NUP210L: variants seen among roughly 807,000 people sequenced by gnomAD.
NUP210L encodes nucleoporin 210 like.
Under a neutral mutation model 208.5 loss-of-function variants are expected in NUP210L, and 74 were observed. The ratio of observed to expected loss-of-function variants is 0.35; its 90% CI spans 0.29 to 0.43. The LOEUF (loss-of-function observed/expected upper bound fraction) is 0.43. Among genes scored for constraint, NUP210L ranks in the 20% least tolerant of loss-of-function variants. NUP210L has a pLI of 1.00. For missense variants in NUP210L, 1,843 were observed against 2,289.4 expected, an observed-to-expected ratio of 0.81 and a Z score of 3.98; for synonymous variants, 780 against 816.9, an observed-to-expected ratio of 0.95 and a Z score of 0.77.
intron 27 of NUP210L, among the ~76,000 whole-genome samples, chr1:154,045,340 A>C (rs1464412560): frequency 1.4e-5 from 2 of 140,956 alleles, no homozygotes; most frequent in Non-Finnish European, 3.2e-5. Flanking sequence ...CATGATTATG[A>C]ATATAATCAA....
rs534148690 is a variant in NUP210L, at chr1:154,038,398, A to G, written c.3696+7671T>C. ...GCTTTTGTTGCCCAGGCCAGAATGCAATGGCACAATTTCAGCTCACTGCAA... is the reference window on the plus strand; with the variant it reads ...GCTTTTGTTGCCCAGGCCAGAATGCGATGGCACAATTTCAGCTCACTGCAA... On this transcript the variant is annotated intron_variant, in intron 27 of 39. Coordinates refer to ENST00000368559, the Ensembl canonical transcript of NUP210L. 6.6e-5 allele frequency among the ~76,000 whole-genome samples: 10 copies of G among 150,984 alleles called. No homozygotes were observed. The South Asian group carries it at 1.9e-3, about 28-fold the overall frequency.
At chr1:154,033,922 TTTTA>T (rs1182660754) in intron 27 of NUP210L, among the ~76,000 whole-genome samples, 1 of 152,106 alleles carries the variant, frequency 6.6e-6, no homozygotes, top group East Asian at 1.9e-4. Context: ...TCTTCATTTA[TTTTA>T]TTTATTTATT....
At chr1:154,109,864 A>G (rs1656952182) in intron 12 of NUP210L, among the ~76,000 whole-genome samples, 2 of 151,602 alleles carry the variant, frequency 1.3e-5, no homozygotes, top group South Asian at 4.1e-4. Context: ...AAAAATGAAA[A>G]CACAACATAA....
intron 13 of NUP210L, among the ~76,000 whole-genome samples, chr1:154,101,470 TA>T (rs983784117): frequency 6.6e-6 from 1 of 152,018 alleles, no homozygotes; most frequent in African/African-American, 2.4e-5. Flanking sequence ...GTGACACTGT[TA>T]AAAACAAACA....
rs575017101 is a variant in NUP210L, at chr1:154,011,640, G to A, written c.4780+604C>T. Among the ~76,000 whole-genome samples the A allele has an allele frequency of 4.7e-5, 7 of 149,234 alleles. No individual in the cohort carries two copies. The East Asian group carries it at 9.8e-4, about 21-fold the overall frequency. Reference sequence around the variant, plus strand: ...AGCCTCCTAAATAATTGGGATTACAGGCATGAGCCACCACTCCAGAGTACT... The same window carrying A: ...AGCCTCCTAAATAATTGGGATTACAAGCATGAGCCACCACTCCAGAGTACT... On this transcript the variant is annotated intron_variant, in intron 34 of 39. Transcript: ENST00000368559.
At chr1:154,081,587 C>G (rs1488999397) in intron 16 of NUP210L, among the ~76,000 whole-genome samples, 1 of 152,156 alleles carries the variant, frequency 6.6e-6, no homozygotes, top group African/African-American at 2.4e-5. Flanking sequence ...AGCCCCACCT[C>G]CAGGGAAAAG....
At chr1:154,084,382 T>G (rs896931588) in intron 16 of NUP210L, among the ~76,000 whole-genome samples, 2 of 151,828 alleles carry the variant, frequency 1.3e-5, no homozygotes, top group Admixed American at 1.3e-4. Context: ...TGACTAATTT[T>G]TGTATTTTTA....
chr1:154,121,455 T>G (rs1225396550), intron 10 of NUP210L, among the ~76,000 whole-genome samples: 1 of 152,194 alleles, frequency 6.6e-6, no homozygotes, highest in Non-Finnish European at 1.5e-5. Flanking sequence ...GTCCCCATTA[T>G]GTAGTATACA....
chr1:154,109,679 A>T (rs1656945786), intron 12 of NUP210L, among the ~76,000 whole-genome samples: 1 of 151,682 alleles, frequency 6.6e-6, no homozygotes, highest in Non-Finnish European at 1.5e-5. Context: ...AATTCAAAAA[A>T]ATTGAAACTA....
At chr1:154,030,100 G>T in intron 27 of NUP210L, 46 bp from the exon 28 acceptor site, 4 of 1,329,804 alleles carry the variant, frequency 3.0e-6, no homozygotes, top group Non-Finnish European at 2.0e-6. Context: ...CAATAAACAT[G>T]GTGTCCTTCC....
intron 10 of NUP210L, among the ~76,000 whole-genome samples, chr1:154,125,735 AAGGGAGGG>A (rs1302898339): frequency 0.11 from 1,295 of 11,726 alleles, 350 homozygotes; most frequent in Middle Eastern, 0.15. Flanking sequence ...GGAAGGAAGG[AAGGGAGGG>A]AGGGAAATGT....
At chr1:154,037,814 C>T (rs910747590) in intron 27 of NUP210L, among the ~76,000 whole-genome samples, 11 of 152,070 alleles carry the variant, frequency 7.2e-5, no homozygotes, top group Non-Finnish European at 4.4e-5. Flanking sequence ...GACAGGGTTT[C>T]ACCATGTTGG....
intron 16 of NUP210L, among the ~76,000 whole-genome samples, chr1:154,087,338 A>G (rs953883513): frequency 3.2e-4 from 48 of 151,748 alleles, no homozygotes; most frequent in East Asian, 5.8e-4. Flanking sequence ...AAAAAAAAAA[A>G]AGGGGCAACA....
chr1:154,142,151 C>CAA (rs755281421), intron 3 of NUP210L, among the ~76,000 whole-genome samples: 2 of 98,498 alleles, frequency 2.0e-5, no homozygotes, highest in Admixed American at 1.1e-4. Flanking sequence ...ACTCTGTATC[C>CAA]AAAAAAAAAA....
intron 15 of NUP210L, among the ~76,000 whole-genome samples, chr1:154,093,614 T>C (rs1656037597): frequency 6.6e-6 from 1 of 152,118 alleles, no homozygotes; most frequent in African/African-American, 2.4e-5. Flanking sequence ...TGAGAACCTG[T>C]CTCTAAAATA....
intron 27 of NUP210L, among the ~76,000 whole-genome samples, chr1:154,045,434 CTCA>C (rs1653119214): frequency 6.6e-6 from 1 of 152,038 alleles, no homozygotes; most frequent in Admixed American, 6.6e-5. Flanking sequence ...CATAGTGTTA[CTCA>C]TCTAACATAG....
At chr1:154,104,413 A>T in intron 12 of NUP210L, 5 of 559,914 alleles carry the variant, frequency 8.9e-6, no homozygotes, top group Non-Finnish European at 1.6e-5. Flanking sequence ...TTAACATCAT[A>T]TCAAGGAAGG....
intron 25 of NUP210L, among the ~76,000 whole-genome samples, chr1:154,048,642 C>T (rs1472143387): frequency 6.6e-6 from 1 of 152,134 alleles, no homozygotes; most frequent in East Asian, 1.9e-4. Flanking sequence ...AATGTCTGTC[C>T]CCCACCACAG....
rs1658422022 is a variant in NUP210L at position 154,134,504 on chromosome 1, G to A, written c.1009+1310C>T. On this transcript the variant is annotated intron_variant, in intron 7 of 39. Transcript: ENST00000368559. The stretch of plus-strand genomic sequence containing the variant: ...TGTAATCCCAGCACTTTGGGAGGCC[G>A]AGGCGGGCAGATCACAAGGTCAGGA... Among the ~76,000 whole-genome samples, 5 of 148,670 alleles carry A rather than the reference G, an allele frequency of 3.4e-5. No homozygotes were observed. In the South Asian group the frequency reaches 6.3e-4, roughly 19 times the overall value.
Sources: gnomAD v4.1 joint callset for allele counts (sites outside exome capture counted in the v4.1 genomes callset) on GRCh38, gnomAD v4.1.1 for gene constraint, MANE v1.5 for transcripts, NCBI Gene and HGNC (gene_info 2026-07-23, HGNC 2026-07-21) for gene names.